Variants in SOX13 observed in about 807,000 individuals in gnomAD.
The protein encoded by SOX13 is SRY-box transcription factor 13, also known as transcription factor SOX-13.
In SOX13, 28 loss-of-function variants were observed where a neutral mutation model predicts 71.8. The observed-to-expected ratio is 0.39, with a 90% confidence interval of 0.29 to 0.53. The LOEUF is 0.53. Ranked by LOEUF, SOX13 falls within the 20% of genes least tolerant of loss-of-function variation. The probability of loss-of-function intolerance (pLI) is 0.70; values close to 1 mark genes in which losing one functional copy is unlikely to be tolerated. For synonymous variants in SOX13, 309 were observed against 317.8 expected (o/e 0.97, Z 0.29); for missense variants, 627 against 810.3 (o/e 0.77, Z 2.75).
At chr1:204,088,189 A>G (rs973678962) in intron 1 of SOX13, among the ~76,000 whole-genome samples, 1 of 152,046 alleles carries the variant, frequency 6.6e-6, no homozygotes, top group Admixed American at 6.5e-5. Flanking sequence ...CTCACTTCCC[A>G]CCTTGGCTGT....
At chr1:204,101,076 G>A (rs1656351930) in intron 1 of SOX13, among the ~76,000 whole-genome samples, 1 of 152,196 alleles carries the variant, frequency 6.6e-6, no homozygotes, top group African/African-American at 2.4e-5. Flanking sequence ...AGAGGAGGAG[G>A]CCAAAGTTGT....
At chr1:204,078,173 T>C (rs940655) in intron 1 of SOX13, 136,327 of 152,306 alleles carry the variant, frequency 0.9, 61,340 homozygotes, top group African/African-American at 0.97. Context: ...GCGGCAGCAG[T>C]GCTCCATGAA....
intron 1 of SOX13, among the ~76,000 whole-genome samples, chr1:204,093,055 C>A (rs905880117): frequency 6.6e-6 from 1 of 152,080 alleles, no homozygotes; most frequent in Non-Finnish European, 1.5e-5. Context: ...TGGAGTGACC[C>A]CCATTCAGTC....
intron 1 of SOX13, among the ~76,000 whole-genome samples, chr1:204,079,630 A>G (rs998322148): frequency 4.0e-5 from 6 of 151,808 alleles, no homozygotes; most frequent in Non-Finnish European, 7.4e-5. Flanking sequence ...TACAGGTGAG[A>G]ACCACCGAGC....
chr1:204,122,485 C>G, intron 9 of SOX13, 86 bp downstream of exon 9: 1 of 1,103,564 alleles, frequency 9.1e-7, no homozygotes, highest in Non-Finnish European at 1.3e-6. Context: ...GGTCCCTTCT[C>G]CTCCCTGGGT....
In SOX13 at chr1:204,126,180, G is replaced by T. The variant is rs143210320; in HGVS notation, c.*46G>T. 6.3e-7 allele frequency: 1 copy of T among 1,586,664 alleles called. No individual in the cohort carries two copies. Among genetic ancestry groups the T allele is most frequent in the Non-Finnish European group, 8.6e-7 (1 of 1,162,118 alleles). ...CCCCTTCTCCTCTGGGGAAGACCTT[G>T]TCCCAACTCGATGGGCACAGCCAGC... On this transcript the variant is annotated 3_prime_UTR_variant, in exon 14 of 14. Transcript: ENST00000367204.
At chr1:204,113,540 C>A (rs536656336) in intron 2 of SOX13, among the ~76,000 whole-genome samples, 1 of 152,110 alleles carries the variant, frequency 6.6e-6, no homozygotes, top group African/African-American at 2.4e-5. Context: ...AAAGATGATA[C>A]GGTTCTTGAC....
intron 1 of SOX13, among the ~76,000 whole-genome samples, chr1:204,089,649 C>T (rs966791830): frequency 4.6e-5 from 7 of 152,274 alleles, no homozygotes; most frequent in South Asian, 2.1e-4. Context: ...TTTCACTTGG[C>T]GGCTGTGAGA....
chr1:204,115,368 G>C (rs969458266), intron 4 of SOX13, among the ~76,000 whole-genome samples: 1 of 151,004 alleles, frequency 6.6e-6, no homozygotes, highest in East Asian at 2.0e-4. Context: ...CTTTAAAACC[G>C]TACAGATGCC....
At chr1:204,116,188 C>A in intron 4 of SOX13, 1 of 1,310,386 alleles carries the variant, frequency 7.6e-7, no homozygotes, top group Non-Finnish European at 9.9e-7. Flanking sequence ...CCACCCTGAC[C>A]CTGTGTGGCG....
chr1:204,092,491 T>C (rs917120492), intron 1 of SOX13, among the ~76,000 whole-genome samples: 1 of 152,194 alleles, frequency 6.6e-6, no homozygotes, highest in Non-Finnish European at 1.5e-5. Flanking sequence ...CTCAGAACTT[T>C]CTTAAACCCT....
At chr1:204,102,548 G>C (rs76817534) in intron 1 of SOX13, among the ~76,000 whole-genome samples, 8,519 of 151,954 alleles carry the variant, frequency 0.056, 289 homozygotes, top group Middle Eastern at 0.12. Flanking sequence ...GGGCTTCCAG[G>C]GTGGTTGGGG....
At chr1:204,076,410 C>G (rs1244185248) in intron 1 of SOX13, among the ~76,000 whole-genome samples, 2 of 152,262 alleles carry the variant, frequency 1.3e-5, no homozygotes, top group Admixed American at 1.3e-4. Flanking sequence ...GTCTGTGTCT[C>G]CTGCTGCTGG....
At chr1:204,118,234 C>G (rs1417916427) in intron 7 of SOX13, 1 of 148,190 alleles carries the variant, frequency 6.7e-6, no homozygotes. Context: ...TTGCAGTGAG[C>G]TGAGATCATG....
intron 1 of SOX13, among the ~76,000 whole-genome samples, chr1:204,089,917 T>C (rs939146446): frequency 6.6e-6 from 1 of 152,162 alleles, no homozygotes; most frequent in Admixed American, 6.5e-5. Flanking sequence ...CTACATCATC[T>C]AGTCTTCAAG....
intron 1 of SOX13, among the ~76,000 whole-genome samples, chr1:204,109,044 C>G (rs976408654): frequency 1.3e-5 from 2 of 152,244 alleles, no homozygotes; most frequent in African/African-American, 4.8e-5. Flanking sequence ...CTCTGAGCCC[C>G]TCCCGGTGCC....
Position 204,105,425 on chromosome 1 carries a change from A to ATTTTT in SOX13, c.-1-7490_-1-7489insTTTTT, listed in dbSNP as rs1461685972. 7.9e-4 allele frequency among the ~76,000 whole-genome samples: 54 copies of ATTTTT among 68,022 alleles called. 1 individual carries two copies. Among genetic ancestry groups the ATTTTT allele is most frequent in the Admixed American group, 3.0e-3 (28 of 9,312 alleles). 44.6% of individuals were successfully genotyped at this position (68,022 alleles called of 152,430 possible). A position where few individuals can be genotyped will look rare whatever the true frequency, so the allele number is the denominator to read the frequency against. On this transcript the variant is annotated intron_variant, in intron 1 of 13. Transcript: ENST00000367204. Reference sequence around the variant, plus strand: ...CTCTGTATAATCTCTTTTTTTTTTGAGACAGAGTCTCCCTCAGTCACCCAG... The same window carrying ATTTTT: ...CTCTGTATAATCTCTTTTTTTTTTGATTTTTGACAGAGTCTCCCTCAGTCACCCAG...
intron 1 of SOX13, among the ~76,000 whole-genome samples, chr1:204,105,520 C>T (rs1011395585): frequency 6.6e-6 from 1 of 151,752 alleles, no homozygotes; most frequent in African/African-American, 2.4e-5. Context: ...ATTCTCCTGC[C>T]TCAGCCTCCT....
intron 1 of SOX13, among the ~76,000 whole-genome samples, chr1:204,089,652 C>T (rs1656100532): frequency 1.3e-5 from 2 of 152,208 alleles, no homozygotes; most frequent in Non-Finnish European, 2.9e-5. Context: ...CACTTGGCGG[C>T]TGTGAGATCA....
Sources: gnomAD v4.1 joint callset for allele counts (sites outside exome capture counted in the v4.1 genomes callset) on GRCh38, gnomAD v4.1.1 for gene constraint, MANE v1.5 for transcripts, NCBI Gene and HGNC (gene_info 2026-07-23, HGNC 2026-07-21) for gene names.